TAF2: variants seen among roughly 807,000 people sequenced by gnomAD.
TAF2 encodes transcription initiation factor TFIID subunit 2.
Under a neutral mutation model 138.5 loss-of-function variants are expected in TAF2, and 61 were observed. The ratio of observed to expected loss-of-function variants is 0.44; its 90% confidence interval spans 0.36 to 0.54. TAF2 has a LOEUF of 0.54. TAF2 is among the 20% of genes least tolerant of loss of function. The probability of loss-of-function intolerance (pLI) is 0.00; values close to 1 mark genes in which losing one functional copy is unlikely to be tolerated. For missense variants in TAF2, 1,090 were observed against 1,427.9 expected (o/e 0.76, Z 3.81); for synonymous variants, 475 against 469.9 (o/e 1.01, Z -0.14).
At position 119,766,263 on chromosome 8, in the gene TAF2, G is replaced by A. The variant is rs533144390; in HGVS notation, c.2365-3655C>T. 3.3e-5 allele frequency among the ~76,000 whole-genome samples: 5 copies of A among 152,254 alleles called. No individual in the cohort carries two copies. The East Asian group carries it at 5.8e-4, about 18-fold the overall frequency. On this transcript the variant is annotated intron_variant, in intron 18 of 25. Transcript: ENST00000378164. Reference sequence around the variant, plus strand: ...GTCAGACTTTCTGGCAATGTCTAGAGAGATTTCTGGATATCATAACTGAGG... The same window carrying A: ...GTCAGACTTTCTGGCAATGTCTAGAAAGATTTCTGGATATCATAACTGAGG...
At chr8:119,792,804 T>C (rs540556063) in intron 10 of TAF2, among the ~76,000 whole-genome samples, 1 of 152,282 alleles carries the variant, frequency 6.6e-6, no homozygotes, top group African/African-American at 2.4e-5. Flanking sequence ...GACACATTCT[T>C]TCCCGCTGGA....
At chr8:119,802,731 G>C (rs1448462229) in intron 5 of TAF2, among the ~76,000 whole-genome samples, 17 of 152,130 alleles carry the variant, frequency 1.1e-4, no homozygotes, top group Non-Finnish European at 4.4e-5. Flanking sequence ...TGGCCAACAT[G>C]GTGAAACCCT....
At chr8:119,739,345 C>A (rs1038299862) in intron 25 of TAF2, among the ~76,000 whole-genome samples, 2 of 152,200 alleles carry the variant, frequency 1.3e-5, no homozygotes, top group East Asian at 1.9e-4. Flanking sequence ...TTCTTTATAT[C>A]CCCTTCCTTA....
chr8:119,745,499 T>A (rs1819898343), intron 23 of TAF2, among the ~76,000 whole-genome samples: 1 of 152,140 alleles, frequency 6.6e-6, no homozygotes. Flanking sequence ...TCAGAAAATT[T>A]AGGTGAATAA....
chr8:119,798,145 T>G (rs1273844221), intron 6 of TAF2, among the ~76,000 whole-genome samples: 1 of 152,148 alleles, frequency 6.6e-6, no homozygotes, highest in Non-Finnish European at 1.5e-5. Context: ...GTACACATAA[T>G]AAGACTTAAA....
chr8:119,829,083 C>T (rs10108071), intron 2 of TAF2, among the ~76,000 whole-genome samples: 108,081 of 152,054 alleles, frequency 0.71, 38,579 homozygotes, highest in Middle Eastern at 0.85. Context: ...CCAAAGACAA[C>T]AGTGGATGCG....
chr8:119,792,344 G>A (rs1823496474), intron 10 of TAF2, among the ~76,000 whole-genome samples: 1 of 151,740 alleles, frequency 6.6e-6, no homozygotes, highest in South Asian at 2.1e-4. Context: ...GTAGAGATGT[G>A]GTTTTGCCAT....
At chr8:119,775,132 T>C (rs1030609776) in intron 18 of TAF2, among the ~76,000 whole-genome samples, 2 of 151,218 alleles carry the variant, frequency 1.3e-5, no homozygotes, top group Non-Finnish European at 2.9e-5. Flanking sequence ...AATACAAAAA[T>C]TAGCCAGGTG....
At chr8:119,812,985 A>C (rs7012857) in intron 3 of TAF2, among the ~76,000 whole-genome samples, 88,290 of 152,044 alleles carry the variant, frequency 0.58, 25,812 homozygotes, top group Middle Eastern at 0.75. Context: ...AACGCCAGAT[A>C]AAGTGGTAGA....
intron 3 of TAF2, among the ~76,000 whole-genome samples, chr8:119,807,356 C>T (rs62526601): frequency 0.14 from 20,570 of 152,136 alleles, 1,580 homozygotes; most frequent in Middle Eastern, 0.34. Context: ...TTGTTCTCAA[C>T]TGGTTTTTAA....
chr8:119,828,653 A>G (rs1202871879), intron 2 of TAF2, among the ~76,000 whole-genome samples: 1 of 152,242 alleles, frequency 6.6e-6, no homozygotes, highest in Non-Finnish European at 1.5e-5. Context: ...AACTTCGGCC[A>G]TACTACCAGC....
chr8:119,799,293 C>T (rs182114400), intron 6 of TAF2, among the ~76,000 whole-genome samples: 341 of 152,164 alleles, frequency 2.2e-3, no homozygotes, highest in African/African-American at 7.9e-3. Context: ...TCTCCTAATG[C>T]TATCCCTCCC....
rs538606658 is a variant in TAF2, at chr8:119,751,340, C to T, written c.2879-4406G>A. 4.6e-5 allele frequency among the ~76,000 whole-genome samples: 7 copies of T among 152,232 alleles called. No individual in the cohort carries two copies. In the South Asian group the frequency reaches 1.5e-3, roughly 32 times the overall value. The stretch of plus-strand genomic sequence containing the variant: ...AGCATAAAATCTAAATTCCTGAGGC[C>T]CTTCGCATTTAGATCCTAATCTATC... On this transcript the variant is annotated intron_variant, in intron 22 of 25. Transcript: ENST00000378164.
chr8:119,811,792 T>G (rs1159078041), intron 3 of TAF2, among the ~76,000 whole-genome samples: 2 of 114,310 alleles, frequency 1.7e-5, no homozygotes, highest in African/African-American at 3.6e-5. Context: ...GGCGAAAGAG[T>G]GAGACTCCGT....
chr8:119,770,494 C>A (rs1821755069), intron 18 of TAF2, among the ~76,000 whole-genome samples: 1 of 152,170 alleles, frequency 6.6e-6, no homozygotes, highest in African/African-American at 2.4e-5. Context: ...TCCTGCCAAA[C>A]CAAGCTTCAT....
At chr8:119,802,136 A>G in intron 5 of TAF2, 111 bp from the exon 6 acceptor site, 1 of 940,800 alleles carries the variant, frequency 1.1e-6, no homozygotes, top group Non-Finnish European at 1.6e-6. Flanking sequence ...CAAAACCTTT[A>G]GCTATTTGGC....
intron 2 of TAF2, among the ~76,000 whole-genome samples, chr8:119,820,497 AC>A (rs2131258231): frequency 6.6e-6 from 1 of 152,328 alleles, no homozygotes; most frequent in Non-Finnish European, 1.5e-5. Flanking sequence ...TATACTTTCT[AC>A]AGAGAAGCTA....
At chr8:119,760,990 G>C (rs1359122207) in intron 19 of TAF2, among the ~76,000 whole-genome samples, 17 of 152,116 alleles carry the variant, frequency 1.1e-4, no homozygotes, top group Admixed American at 1.0e-3. Context: ...AATATGTTTA[G>C]TGTAGTCTAA....
chr8:119,809,865 T>A (rs1824915811), intron 3 of TAF2, among the ~76,000 whole-genome samples: 1 of 152,082 alleles, frequency 6.6e-6, no homozygotes, highest in Non-Finnish European at 1.5e-5. Context: ...TTAACAGATA[T>A]AATAATGAAA....
Sources: allele counts gnomAD v4.1 joint callset (sites outside exome capture counted in the v4.1 genomes callset), GRCh38; gene constraint gnomAD v4.1.1; transcripts MANE v1.5; gene names NCBI Gene and HGNC (gene_info 2026-07-23, HGNC 2026-07-21).